RAB3C: variants seen among roughly 807,000 people sequenced by gnomAD.
RAB3C encodes ras-related protein Rab-3C.
In RAB3C, 17 loss-of-function variants were observed where a neutral mutation model predicts 26.4. The ratio of observed to expected loss-of-function variants is 0.64; its 90% CI spans 0.44 to 0.97. RAB3C has a LOEUF of 0.97. RAB3C is among the 50% of genes least tolerant of loss of function. The pLI, the probability that RAB3C is intolerant of heterozygous loss-of-function variation, is 0.00. For synonymous variants in RAB3C, 91 were observed against 95.9 expected (o/e 0.95, Z 0.30); for missense variants, 242 against 281.9 (o/e 0.86, Z 1.01).
chr5:58,595,712 C>T (rs1012149793), intron 1 of RAB3C, among the ~76,000 whole-genome samples: 4 of 152,016 alleles, frequency 2.6e-5, no homozygotes, highest in Non-Finnish European at 5.9e-5. Context: ...TTCTAGTGTA[C>T]CCTAAAAGTA....
At chr5:58,799,596 GA>G (rs764020942) in intron 3 of RAB3C, among the ~76,000 whole-genome samples, 1 of 152,144 alleles carries the variant, frequency 6.6e-6, no homozygotes, top group Admixed American at 6.5e-5. Context: ...CCTCATGACT[GA>G]AACAAACAAG....
intron 1 of RAB3C, among the ~76,000 whole-genome samples, chr5:58,592,569 C>T (rs1182352262): frequency 6.6e-6 from 1 of 152,076 alleles, no homozygotes; most frequent in African/African-American, 2.4e-5. Flanking sequence ...CCTGAACAAC[C>T]TCGATTAGCA....
intron 2 of RAB3C, among the ~76,000 whole-genome samples, chr5:58,677,976 T>TGTGTGTG (rs1748261340): frequency 1.4e-5 from 2 of 147,888 alleles, no homozygotes; most frequent in African/African-American, 5.0e-5. Context: ...CTAGATTATT[T>TGTGTGTG]TGTGTGTGTG....
At chr5:58,843,588 T>C (rs1516432) in intron 4 of RAB3C, among the ~76,000 whole-genome samples, 88,334 of 152,096 alleles carry the variant, frequency 0.58, 25,900 homozygotes, top group Middle Eastern at 0.71. Flanking sequence ...GACAGAACAT[T>C]GACTTCTCAG....
intron 2 of RAB3C, among the ~76,000 whole-genome samples, chr5:58,722,673 A>G (rs1740798695): frequency 6.6e-6 from 1 of 151,840 alleles, no homozygotes; most frequent in Admixed American, 6.6e-5. Flanking sequence ...CATTTTATCC[A>G]TATTGTCTAC....
At chr5:58,724,997 G>T (rs191412803) in intron 2 of RAB3C, among the ~76,000 whole-genome samples, 2 of 151,814 alleles carry the variant, frequency 1.3e-5, no homozygotes, top group Non-Finnish European at 2.9e-5. Context: ...GTACAGTATT[G>T]TCGGTTTGTC....
At position 58,775,119 on chromosome 5, in the gene RAB3C, G is replaced by A. The variant is rs138463157; in HGVS notation, c.371+48999G>A. Among the ~76,000 whole-genome samples the A allele has an allele frequency of 3.4e-3, 519 of 152,238 alleles. 6 individuals carry two copies. Among genetic ancestry groups the A allele is most frequent in the African/African-American group, 0.012 (509 of 41,548 alleles). ...GAAGTGATTGCAATCATCTGAGAGA[G>A]AAGTGCTGTGCACGATTGCATCCTC... is the stretch of plus-strand genomic sequence containing the variant. On this transcript the variant is annotated intron_variant, in intron 3 of 4. Coordinates refer to ENST00000282878, the MANE Select transcript of RAB3C (RefSeq NM_138453.4).
At chr5:58,634,759 G>A (rs1187412598) in intron 2 of RAB3C, among the ~76,000 whole-genome samples, 3 of 152,242 alleles carry the variant, frequency 2.0e-5, no homozygotes, top group East Asian at 1.9e-4. Context: ...TGTGCAAGAT[G>A]CCTCCCAAAT....
intron 3 of RAB3C, among the ~76,000 whole-genome samples, chr5:58,781,547 T>G (rs1259764315): frequency 6.6e-6 from 1 of 152,002 alleles, no homozygotes; most frequent in East Asian, 1.9e-4. Context: ...TTGAAAGCAT[T>G]AAGGCTTAAT....
chr5:58,795,896 T>C (rs982484954), intron 3 of RAB3C, among the ~76,000 whole-genome samples: 1 of 151,378 alleles, frequency 6.6e-6, no homozygotes, highest in African/African-American at 2.4e-5. Context: ...GGGGGGATCT[T>C]GTTAATAGAG....
intron 3 of RAB3C, among the ~76,000 whole-genome samples, chr5:58,771,961 G>C (rs1228470234): frequency 6.6e-6 from 1 of 151,014 alleles, no homozygotes; most frequent in Non-Finnish European, 1.5e-5. Flanking sequence ...GAGAAGGCTT[G>C]GTAAACTCAA....
intron 4 of RAB3C, among the ~76,000 whole-genome samples, chr5:58,836,194 G>T (rs1411960871): frequency 1.3e-5 from 2 of 151,872 alleles, no homozygotes; most frequent in Admixed American, 6.6e-5. Flanking sequence ...GTTTCTTAGT[G>T]GTTCTAGATC....
intron 4 of RAB3C, among the ~76,000 whole-genome samples, chr5:58,829,854 C>G (rs1161704232): frequency 1.3e-5 from 2 of 152,160 alleles, no homozygotes; most frequent in African/African-American, 4.8e-5. Flanking sequence ...TTACCAAGCT[C>G]TATAATTTTT....
intron 2 of RAB3C, among the ~76,000 whole-genome samples, chr5:58,698,096 A>G (rs557270304): frequency 2.0e-5 from 3 of 152,238 alleles, no homozygotes; most frequent in South Asian, 4.2e-4. Context: ...TCCTTCCTTC[A>G]GGAGCTCTTG....
At chr5:58,594,250 C>T (rs1353582175) in intron 1 of RAB3C, among the ~76,000 whole-genome samples, 3 of 152,190 alleles carry the variant, frequency 2.0e-5, no homozygotes, top group South Asian at 2.1e-4. Context: ...GATATGTTTA[C>T]CAACTGGCAA....
At chr5:58,841,485 C>A (rs1476466015) in intron 4 of RAB3C, among the ~76,000 whole-genome samples, 1 of 151,978 alleles carries the variant, frequency 6.6e-6, no homozygotes, top group African/African-American at 2.4e-5. Flanking sequence ...AAGGGTGGAC[C>A]CCAGAGGTAG....
intron 2 of RAB3C, among the ~76,000 whole-genome samples, chr5:58,671,225 G>A (rs1748111692): frequency 6.6e-6 from 1 of 151,996 alleles, no homozygotes; most frequent in African/African-American, 2.4e-5. Context: ...AGCACGCTAT[G>A]TTTTTAAAAA....
rs1748445409 is a variant in RAB3C, at chr5:58,686,413, G to A, written c.253-39589G>A. Among the ~76,000 whole-genome samples the A allele has an allele frequency of 3.9e-5, 6 of 152,146 alleles. No homozygotes were observed. The South Asian group carries it at 1.2e-3, about 32-fold the overall frequency. On this transcript the variant is annotated intron_variant, in intron 2 of 4. Coordinates refer to ENST00000282878, the MANE Select transcript of RAB3C (RefSeq NM_138453.4). ...AGGCCATTGAAAATTTATGAGCTAA[G>A]TCCCTGAATAGACTTGCTAAAGTTT...
intron 4 of RAB3C, among the ~76,000 whole-genome samples, chr5:58,842,159 TG>T (rs1252035343): frequency 6.6e-6 from 1 of 152,202 alleles, no homozygotes; most frequent in Non-Finnish European, 1.5e-5. Flanking sequence ...TTTCTTTTAA[TG>T]GTTTTACCTT....
Sources: allele counts gnomAD v4.1 joint callset (sites outside exome capture counted in the v4.1 genomes callset), GRCh38; gene constraint gnomAD v4.1.1; transcripts MANE v1.5; gene names NCBI Gene and HGNC (gene_info 2026-07-23, HGNC 2026-07-21).